The following COPS2 variants were observed in gnomAD, a reference collection of about 807,000 sequenced individuals.
The protein encoded by COPS2 is COP9 signalosome complex subunit 2.
In COPS2, 10 loss-of-function variants were observed where a neutral mutation model predicts 66.1. The ratio of observed to expected loss-of-function variants is 0.15; its 90% CI spans 0.09 to 0.26. The LOEUF (loss-of-function observed/expected upper bound fraction) is 0.26. COPS2 is among the 10% of genes least tolerant of loss of function. COPS2 has a pLI of 1.00. For synonymous variants in COPS2, 179 were observed against 171.3 expected (o/e 1.04, Z -0.35); for missense variants, 215 against 513.3 (o/e 0.42, Z 5.62).
In COPS2 at chr15:49,137,400, T is replaced by C; in HGVS notation, c.410A>G (p.Glu137Gly). The C allele has an allele frequency of 6.2e-7, 1 of 1,613,032 alleles. No individual in the cohort carries two copies. The highest frequency in any genetic ancestry group is 2.2e-5 in the East Asian group (1 of 44,788). Reference protein sequence around the residue: ...LLQEFYETTLEALKDAKNDRL... With the variant: ...LLQEFYETTLGALKDAKNDRL... ...ATCATTCTTAGCATCTTTCAAAGCT[T>C]CCAGTGTTGTTTCATAGAATTCCTG... Residue 137 changes from glutamate (E) to glycine (G), a missense_variant, in exon 5 of 13, where the codon GAA becomes GGA. Coordinates refer to ENST00000388901, the MANE Select transcript of COPS2 (RefSeq NM_004236.4).
rs545573521 is a variant in COPS2, at chr15:49,143,023, A to G, written c.246+1204T>C. 2.0e-5 allele frequency among the ~76,000 whole-genome samples: 3 copies of G among 152,314 alleles called. No homozygotes were observed. In the East Asian group the frequency reaches 5.8e-4, roughly 29 times the overall value. ...AGAAATTTAAGTGACGATGGGAAGA[A>G]TGCTATTTTATATCAGGTGGTCATG... On this transcript the variant is annotated intron_variant, in intron 3 of 12. Transcript: ENST00000388901.
intron 12 of COPS2, 136 bp from the exon 13 acceptor site, chr15:49,128,230 G>T: frequency 2.7e-6 from 2 of 728,890 alleles, no homozygotes; most frequent in Non-Finnish European, 2.2e-6. Context: ...TTCAGTGTTA[G>T]TTTTAACTTC....
intron 4 of COPS2, among the ~76,000 whole-genome samples, chr15:49,138,025 ATTC>A (rs2084265856): frequency 6.6e-6 from 1 of 152,184 alleles, no homozygotes; most frequent in South Asian, 2.1e-4. Context: ...TTCCCTCAAA[ATTC>A]TTCTATAAAT....
Position 49,155,142 on chromosome 15 carries a change from C to T in COPS2, c.54+383G>A, listed in dbSNP as rs77935233. On this transcript the variant is annotated intron_variant, in intron 1 of 12. Transcript: ENST00000388901. ...AGTTCCAGTGTGAAGAAGTGGGGGC[C>T]CGGAACGCTGGGCCCGAAAGGGCAA... Among the ~76,000 whole-genome samples the T allele has an allele frequency of 5.9e-5, 9 of 152,364 alleles. No homozygotes were observed. The East Asian group carries it at 1.5e-3, about 26-fold the overall frequency.
At position 49,124,807 on chromosome 15, in the gene COPS2, AAAT is replaced by A. The variant is rs1178257729; in HGVS notation, c.*3140_*3142del. 2 of 151,906 alleles carry A rather than the reference AAAT, an allele frequency of 1.3e-5. No individual in the cohort carries two copies. The highest frequency in any genetic ancestry group is 2.9e-5 in the Non-Finnish European group (2 of 68,012). The allele number at this position is 151,906 out of a possible 1,614,324, so 9.4% of individuals were successfully genotyped here. A position where few individuals can be genotyped will look rare whatever the true frequency, so the allele number is the denominator to read the frequency against. On this transcript the variant is annotated 3_prime_UTR_variant, in exon 13 of 13. Coordinates refer to ENST00000388901, the MANE Select transcript of COPS2 (RefSeq NM_004236.4). ...AAATTTTCAGGTTTAAAAGTGACTA[AAAT>A]AATATTTTAAAAAATCCTTAGTAAA...
chr15:49,143,619 T>C (rs1392503774), intron 3 of COPS2, among the ~76,000 whole-genome samples: 5 of 152,170 alleles, frequency 3.3e-5, no homozygotes, highest in Admixed American at 3.3e-4. Flanking sequence ...GAAGAGAAAC[T>C]CTTTATAATA....
At position 49,126,023 on chromosome 15, in the gene COPS2, A is replaced by G. The variant is rs1383332731; in HGVS notation, c.*1927T>C. ...TTCAAGGGTTATCACATGCATACAT[A>G]TTTGAATACAGGCACAAAAACTCAT... On this transcript the variant is annotated 3_prime_UTR_variant, in exon 13 of 13. Coordinates refer to ENST00000388901, the MANE Select transcript of COPS2 (RefSeq NM_004236.4). The G allele has an allele frequency of 6.6e-6, 1 of 152,480 alleles. No individual in the cohort carries two copies. The highest frequency in any genetic ancestry group is 2.4e-5 in the African/African-American group (1 of 41,466). 9.4% of individuals were successfully genotyped at this position (152,480 alleles called of 1,614,324 possible).
intron 2 of COPS2, 88 bp from the exon 3 acceptor site, chr15:49,144,392 T>C (rs2084308042): frequency 4.1e-6 from 3 of 735,308 alleles, no homozygotes; most frequent in Non-Finnish European, 7.1e-6. Context: ...GAATTAATTT[T>C]ATACTATATG....
rs1468794281 is a variant in COPS2, at chr15:49,122,935, C to T, written c.*5015G>A. ...ACTTCCTTCCCACCTAGTGTTAGCT[C>T]AAGGAATTTGATACCTTTTATATTA... On this transcript the variant is annotated 3_prime_UTR_variant, in exon 13 of 13. Coordinates refer to ENST00000388901, the MANE Select transcript of COPS2 (RefSeq NM_004236.4). The T allele has an allele frequency of 6.6e-6, 1 of 152,116 alleles. No homozygotes were observed. Among genetic ancestry groups the T allele is most frequent in the Non-Finnish European group, 1.5e-5 (1 of 68,010 alleles). 9.4% of individuals were successfully genotyped at this position (152,116 alleles called of 1,614,324 possible). A position where few individuals can be genotyped will look rare whatever the true frequency, so the allele number is the denominator to read the frequency against.
intron 12 of COPS2, 85 bp downstream of exon 12, chr15:49,128,617 C>A: frequency 3.2e-6 from 3 of 949,246 alleles, no homozygotes; most frequent in South Asian, 3.3e-5. Flanking sequence ...TATGAATAAT[C>A]AAGAATCCAA....
At chr15:49,142,403 G>A (rs1566884934) in intron 3 of COPS2, among the ~76,000 whole-genome samples, 1 of 152,150 alleles carries the variant, frequency 6.6e-6, no homozygotes, top group Non-Finnish European at 1.5e-5. Context: ...CAGAGTGACA[G>A]TACCTCAAAA....
At chr15:49,144,764 G>A (rs1189691510) in intron 2 of COPS2, among the ~76,000 whole-genome samples, 1 of 152,100 alleles carries the variant, frequency 6.6e-6, no homozygotes, top group East Asian at 1.9e-4. Context: ...TCAGGACAAT[G>A]GCCCTGCTCC....
At chr15:49,148,349 G>C (rs2141133036) in intron 1 of COPS2, among the ~76,000 whole-genome samples, 1 of 152,144 alleles carries the variant, frequency 6.6e-6, no homozygotes, top group Non-Finnish European at 1.5e-5. Context: ...AAGTCCACTG[G>C]CATCTCAAAA....
intron 1 of COPS2, among the ~76,000 whole-genome samples, chr15:49,153,685 T>C (rs971441900): frequency 1.3e-5 from 2 of 152,210 alleles, no homozygotes; most frequent in Non-Finnish European, 2.9e-5. Flanking sequence ...GTGGTATATA[T>C]ACATAATGGA....
intron 1 of COPS2, among the ~76,000 whole-genome samples, chr15:49,151,950 C>T (rs1045632177): frequency 6.6e-6 from 1 of 151,316 alleles, no homozygotes; most frequent in African/African-American, 2.4e-5. Flanking sequence ...CTATTTCTAC[C>T]AGATTGGGGA....
chr15:49,134,491 C>T lies in COPS2; in HGVS notation c.564G>A (p.Leu188=), dbSNP rs1326936541. ...SCQTDDGEDD[L]KKGTQLLEIY... ...TTTCTAATAACTGTGTACCTTTTTT[C>T]AGATCATCTTCTCCATCATCAGTCT... The change falls in exon 7 of 13, where the codon CTG becomes CTA. Residue 188 remains leucine (L), a synonymous_variant. Coordinates refer to ENST00000388901, the MANE Select transcript of COPS2 (RefSeq NM_004236.4). 7.5e-6 allele frequency: 12 copies of T among 1,610,550 alleles called. No individual in the cohort carries two copies. In the Admixed American group the frequency reaches 2.0e-4, roughly 27 times the overall value.
intron 10 of COPS2, among the ~76,000 whole-genome samples, chr15:49,129,972 T>C (rs542855209): frequency 8.3e-4 from 127 of 152,308 alleles, no homozygotes; most frequent in African/African-American, 2.9e-3. Flanking sequence ...GTCTGTACAA[T>C]AGTTCTTAAA....
chr15:49,148,536 T>C (rs950361442), intron 1 of COPS2, among the ~76,000 whole-genome samples: 5 of 152,152 alleles, frequency 3.3e-5, no homozygotes, highest in Non-Finnish European at 7.4e-5. Flanking sequence ...CAGGATGTTA[T>C]GTAAAGGGCT....
At position 49,126,923 on chromosome 15, in the gene COPS2, A is replaced by G. The variant is rs2084171325; in HGVS notation, c.*1027T>C. 1 of 152,146 alleles carries G rather than the reference A, an allele frequency of 6.6e-6. No individual in the cohort carries two copies. The highest frequency in any genetic ancestry group is 1.5e-5 in the Non-Finnish European group (1 of 67,992). 9.4% of individuals were successfully genotyped at this position (152,146 alleles called of 1,614,324 possible). A position where few individuals can be genotyped will look rare whatever the true frequency, so the allele number is the denominator to read the frequency against. Reference sequence around the variant, plus strand: ...GTGTGACAAATTAACTTTGAATGCAATTCTAAAAGAGTAAACTCAGCAGGT... The same window carrying G: ...GTGTGACAAATTAACTTTGAATGCAGTTCTAAAAGAGTAAACTCAGCAGGT... On this transcript the variant is annotated 3_prime_UTR_variant, in exon 13 of 13. Transcript: ENST00000388901.
Sources: gnomAD v4.1 joint callset for allele counts (sites outside exome capture counted in the v4.1 genomes callset) on GRCh38, gnomAD v4.1.1 for gene constraint, MANE v1.5 for transcripts, NCBI Gene and HGNC (gene_info 2026-07-23, HGNC 2026-07-21) for gene names.